The following CNTNAP4 variants were observed in gnomAD, a reference collection of about 807,000 sequenced individuals.
The protein encoded by CNTNAP4 is contactin associated protein family member 4.
A neutral mutation model predicts 148.4 loss-of-function variants in CNTNAP4; 98 were observed. That is an observed-to-expected ratio of 0.66 (90% CI 0.56 to 0.78). The LOEUF is 0.78. Among genes scored for constraint, CNTNAP4 ranks in the 30% least tolerant of loss-of-function variants. The pLI, the probability that CNTNAP4 is intolerant of heterozygous loss-of-function variation, is 0.00. For synonymous variants in CNTNAP4, 730 were observed against 565.1 expected, an observed-to-expected ratio of 1.29 and a Z score of -4.14; for missense variants, 1,935 against 1,565.6, an observed-to-expected ratio of 1.24 and a Z score of -3.98.
chr16:76,329,734 T>G (rs1963335580), intron 2 of CNTNAP4, among the ~76,000 whole-genome samples: 1 of 152,176 alleles, frequency 6.6e-6, no homozygotes, highest in Admixed American at 6.5e-5. Flanking sequence ...TTAAAAAGAT[T>G]GATATATAAT....
rs2084008669 is a variant in CNTNAP4, at chr16:76,532,107, C to A, written c.2756-3438C>A. ...ATTTATTACTAGAGCTTTTTGTCAG[C>A]AAGATTGATTTCATATAGTTTCATA... On this transcript the variant is annotated intron_variant, in intron 17 of 23. Transcript: ENST00000611870. Among the ~76,000 whole-genome samples, 4 of 152,108 alleles carry A rather than the reference C, an allele frequency of 2.6e-5. No homozygotes were observed. The South Asian group carries it at 8.3e-4, about 32-fold the overall frequency.
At chr16:76,551,157 C>T (rs2084936616) in intron 21 of CNTNAP4, among the ~76,000 whole-genome samples, 1 of 152,018 alleles carries the variant, frequency 6.6e-6, no homozygotes, top group Non-Finnish European at 1.5e-5. Context: ...TGCCTATAAT[C>T]TCAGCAACGT....
At chr16:76,502,430 A>T (rs572345422) in intron 15 of CNTNAP4, among the ~76,000 whole-genome samples, 2 of 150,940 alleles carry the variant, frequency 1.3e-5, no homozygotes, top group Admixed American at 1.3e-4. Context: ...GGACTAACAG[A>T]TAGAGGATCA....
chr16:76,400,153 A>T (rs999337068), intron 3 of CNTNAP4, among the ~76,000 whole-genome samples: 1 of 152,156 alleles, frequency 6.6e-6, no homozygotes, highest in African/African-American at 2.4e-5. Context: ...CTGTTATGTT[A>T]TAGATGAAGG....
intron 1 of CNTNAP4, among the ~76,000 whole-genome samples, chr16:76,300,477 C>T (rs1044467712): frequency 6.6e-5 from 10 of 151,320 alleles, no homozygotes; most frequent in African/African-American, 2.4e-4. Flanking sequence ...GCACAAACCA[C>T]CATGGCACGT....
Position 76,558,530 on chromosome 16 carries a change from T to G in CNTNAP4, c.3774T>G (p.Thr1258=), listed in dbSNP as rs1202077371. Reference sequence around the variant, plus strand: ...TGATTTTTATCTTGCTTTGCATCACTGCCATAGCTGTTCGCATTTATCAGC... The same window carrying G: ...TGATTTTTATCTTGCTTTGCATCACGGCCATAGCTGTTCGCATTTATCAGC... ...AVVIFILLCI[T]AIAVRIYQQK... Residue 1258 remains threonine (T), a synonymous_variant, in exon 24 of 24, where the codon ACT becomes ACG. Transcript: ENST00000611870. The G allele has an allele frequency of 6.2e-7, 1 of 1,611,282 alleles. No homozygotes were observed. The highest frequency in any genetic ancestry group is 1.1e-5 in the South Asian group (1 of 90,916).
At position 76,448,234 on chromosome 16, in the gene CNTNAP4, G is replaced by C; in HGVS notation, c.742+19G>C. The stretch of plus-strand genomic sequence containing the variant: ...AATTCAGGTAAAACTATTCGGTGAA[G>C]TGCTCAAAAATCTGATTATTTAGAT... On this transcript the variant is annotated intron_variant, in intron 5 of 23. Coordinates refer to ENST00000611870, the MANE Select transcript of CNTNAP4 (RefSeq NM_033401.5). 1 of 1,549,312 alleles carries C rather than the reference G, an allele frequency of 6.5e-7. No individual in the cohort carries two copies. Among genetic ancestry groups the C allele is most frequent in the Non-Finnish European group, 8.9e-7 (1 of 1,127,534 alleles).
intron 4 of CNTNAP4, among the ~76,000 whole-genome samples, chr16:76,434,223 T>TTA (rs1229871182): frequency 1.2e-4 from 18 of 151,776 alleles, no homozygotes; most frequent in African/African-American, 4.1e-4. Flanking sequence ...TATTAAGTAT[T>TTA]ATCGTTAAGT....
chr16:76,446,625 A>T (rs2080258684), intron 4 of CNTNAP4, among the ~76,000 whole-genome samples: 1 of 152,190 alleles, frequency 6.6e-6, no homozygotes, highest in Non-Finnish European at 1.5e-5. Flanking sequence ...TGCCACAAAT[A>T]CTACAGAACA....
intron 21 of CNTNAP4, among the ~76,000 whole-genome samples, chr16:76,545,098 T>C (rs1437363292): frequency 6.6e-6 from 1 of 152,250 alleles, no homozygotes; most frequent in Non-Finnish European, 1.5e-5. Flanking sequence ...TAAAAGCATG[T>C]TTTAAAAGGA....
intron 2 of CNTNAP4, among the ~76,000 whole-genome samples, chr16:76,334,689 C>G (rs1396089950): frequency 6.6e-6 from 1 of 152,034 alleles, no homozygotes; most frequent in African/African-American, 2.4e-5. Flanking sequence ...GGAAAAAGTA[C>G]AGTATGCTAT....
chr16:76,358,253 T>C (rs190538734), intron 3 of CNTNAP4, among the ~76,000 whole-genome samples: 1 of 152,292 alleles, frequency 6.6e-6, no homozygotes, highest in Non-Finnish European at 1.5e-5. Context: ...GGAGGATTAC[T>C]GGAACCTGGG....
At chr16:76,523,047 G>C (rs1328764169) in intron 17 of CNTNAP4, among the ~76,000 whole-genome samples, 1 of 152,050 alleles carries the variant, frequency 6.6e-6, no homozygotes, top group African/African-American at 2.4e-5. Flanking sequence ...AGACAGGTGT[G>C]AGCCACTGCA....
rs912936440 is a variant in CNTNAP4, at chr16:76,377,227, G to A, written c.390+21716G>A. ...CTATGAAGATAATTTGCTTTACTTAGTGTCTATGGATTTAAATATTAATCT... is the reference window on the plus strand; with the variant it reads ...CTATGAAGATAATTTGCTTTACTTAATGTCTATGGATTTAAATATTAATCT... On this transcript the variant is annotated intron_variant, in intron 3 of 23. Transcript: ENST00000611870. 3.3e-5 allele frequency among the ~76,000 whole-genome samples: 5 copies of A among 152,184 alleles called. No homozygotes were observed. The East Asian group carries it at 9.7e-4, about 30-fold the overall frequency.
At chr16:76,539,931 G>A in intron 20 of CNTNAP4, 79 bp downstream of exon 20, 2 of 1,053,386 alleles carry the variant, frequency 1.9e-6, no homozygotes, top group Non-Finnish European at 2.7e-6. Context: ...ATTTGATAAT[G>A]AACACAATAA....
At chr16:76,374,357 C>T (rs2015188569) in intron 3 of CNTNAP4, among the ~76,000 whole-genome samples, 1 of 152,136 alleles carries the variant, frequency 6.6e-6, no homozygotes, top group Non-Finnish European at 1.5e-5. Context: ...CCAAGAGCTA[C>T]AAAGCGATTA....
rs2082814630 is a variant in CNTNAP4 at position 76,505,660 on chromosome 16, A to G, written c.2365+6966A>G. Among the ~76,000 whole-genome samples, 2 of 97,986 alleles carry G rather than the reference A, an allele frequency of 2.0e-5. 1 individual carries two copies. Among genetic ancestry groups the G allele is most frequent in the Non-Finnish European group, 5.8e-5 (2 of 34,572 alleles). 64.3% of individuals were successfully genotyped at this position (97,986 alleles called of 152,430 possible). Reference sequence around the variant, plus strand: ...ATTAATATATTTTAATAAGTAATAAATGATGTCTTATTCAACACATCTGAC... The same window carrying G: ...ATTAATATATTTTAATAAGTAATAAGTGATGTCTTATTCAACACATCTGAC... On this transcript the variant is annotated intron_variant, in intron 15 of 23. Transcript: ENST00000611870.
At chr16:76,315,733 T>C (rs1961662152) in intron 1 of CNTNAP4, among the ~76,000 whole-genome samples, 1 of 152,066 alleles carries the variant, frequency 6.6e-6, no homozygotes, top group Non-Finnish European at 1.5e-5. Context: ...CAGCTGAGAC[T>C]ACAGGCGTGT....
At chr16:76,370,693 C>T (rs13337284) in intron 3 of CNTNAP4, among the ~76,000 whole-genome samples, 24 of 152,080 alleles carry the variant, frequency 1.6e-4, no homozygotes, top group Non-Finnish European at 3.1e-4. Flanking sequence ...ATGTTACTAA[C>T]GACAAATTGC....
Sources: allele counts gnomAD v4.1 joint callset (sites outside exome capture counted in the v4.1 genomes callset), GRCh38; gene constraint gnomAD v4.1.1; transcripts MANE v1.5; gene names NCBI Gene and HGNC (gene_info 2026-07-23, HGNC 2026-07-21).